The following OGT variants were observed in gnomAD, a reference collection of about 807,000 sequenced individuals.
OGT encodes the protein UDP-N-acetylglucosamine--peptide N-acetylglucosaminyltransferase 110 kDa subunit.
Under a neutral mutation model 75.8 loss-of-function variants are expected in OGT, and 3 were observed. The ratio of observed to expected loss-of-function variants is 0.04; its 90% CI spans 0.02 to 0.10. The LOEUF is 0.10. Among genes scored for constraint, OGT ranks in the 10% least tolerant of loss-of-function variants. OGT has a pLI of 1.00. For missense variants in OGT, 260 were observed against 824.4 expected (o/e 0.32, Z 8.38); for synonymous variants, 257 against 289.7 (o/e 0.89, Z 1.15).
intron 19 of OGT, 58 bp downstream of exon 19, chrX:71,564,811 G>GA: frequency 1.1e-6 from 1 of 946,880 alleles, no homozygotes; most frequent in Admixed American, 2.7e-5. Flanking sequence ...GCTTCTTGCT[G>GA]AAGATGGTCC....
chrX:71,568,850 ACAAACAAACAAAAAAAAAAC>A (rs1390147965), intron 21 of OGT, among the ~76,000 whole-genome samples: 1 of 108,070 alleles, frequency 9.3e-6, no homozygotes, highest in Non-Finnish European at 1.9e-5. Context: ...AAAAACAAAA[ACAAACAAACAAAAAAAAAAC>A]CAAACAAACA....
chrX:71,534,866 C>A (rs745367884), intron 1 of OGT, among the ~76,000 whole-genome samples: 1 of 111,563 alleles, frequency 9.0e-6, no homozygotes, highest in East Asian at 2.8e-4. Flanking sequence ...AAAGATATAA[C>A]CTCTCCCAGA....
At chrX:71,536,438 T>C in intron 2 of OGT, 80 bp downstream of exon 2, 1 of 875,489 alleles carries the variant, frequency 1.1e-6, no homozygotes, top group Non-Finnish European at 1.5e-6. Flanking sequence ...ATATTTGAAC[T>C]TGAAATTTTT....
chrX:71,553,635 A>T (rs2147680892), intron 5 of OGT: 1 of 109,086 alleles, frequency 9.2e-6, no homozygotes, highest in South Asian at 4.0e-4. Flanking sequence ...GTTGCACATC[A>T]CCATGCCCAG....
At position 71,574,355 on chromosome X, in the gene OGT, T is replaced by G. The variant is rs1681573930; in HGVS notation, c.*561T>G. The G allele has an allele frequency of 8.9e-6, 1 of 111,824 alleles. No individual in the cohort carries two copies. Among genetic ancestry groups the G allele is most frequent in the African/African-American group, 3.3e-5 (1 of 30,632 alleles). The allele number at this position is 111,824 out of a possible 1,213,427, so 9.2% of individuals were successfully genotyped here. A position where few individuals can be genotyped will look rare whatever the true frequency, so the allele number is the denominator to read the frequency against. On this transcript the variant is annotated 3_prime_UTR_variant, in exon 22 of 22. Coordinates refer to ENST00000373719, the MANE Select transcript of OGT (RefSeq NM_181672.3). ...GTTTTATAAACCACTTGAGCCTATATCAGTCGTTTTAGTGTCTGACCTAAT... is the reference window on the plus strand; with the variant it reads ...GTTTTATAAACCACTTGAGCCTATAGCAGTCGTTTTAGTGTCTGACCTAAT...
At chrX:71,547,814 C>T (rs759669893) in intron 4 of OGT, 93 bp from the exon 5 acceptor site, 3 of 1,097,080 alleles carry the variant, frequency 2.7e-6, no homozygotes, top group East Asian at 3.7e-5. Flanking sequence ...TTCTTCCCCC[C>T]CTCCCCCCAA....
At chrX:71,537,022 G>T (rs1428934275) in intron 2 of OGT, 3 of 169,619 alleles carry the variant, frequency 1.8e-5, no homozygotes, top group South Asian at 7.2e-5. Context: ...AGGCTGGAGT[G>T]CAGCGGCGCC....
In OGT at chrX:71,563,316, AT is replaced by A. The variant is rs766625269; in HGVS notation, c.2266-4del. 5 of 1,187,607 alleles carry A rather than the reference AT, an allele frequency of 4.2e-6. No individual in the cohort carries two copies. The highest frequency in any genetic ancestry group is 2.2e-5 in the Admixed American group (1 of 44,985). On this transcript the variant is annotated splice_polypyrimidine_tract_variant and intron_variant, in intron 17 of 21. Coordinates refer to ENST00000373719, the MANE Select transcript of OGT (RefSeq NM_181672.3). ...TTCACGATCTTTTCCCTAATGATGC[AT>A]TTTTTTTTCAGATGAAGTGTCCTGA...
intron 3 of OGT, among the ~76,000 whole-genome samples, chrX:71,541,609 A>G (rs1270384861): frequency 9.0e-6 from 1 of 111,714 alleles, no homozygotes; most frequent in Non-Finnish European, 1.9e-5. Flanking sequence ...TAGGAAGGTA[A>G]ATAGCAAGTA....
At chrX:71,570,087 C>T (rs1201544804) in intron 21 of OGT, among the ~76,000 whole-genome samples, 1 of 76,313 alleles carries the variant, frequency 1.3e-5, no homozygotes, top group Non-Finnish European at 2.3e-5. Context: ...GTTGCCCGGG[C>T]TGAAGTGCAA....
chrX:71,565,824 G>C (rs2040413070), intron 19 of OGT, among the ~76,000 whole-genome samples: 1 of 112,367 alleles, frequency 8.9e-6, no homozygotes, highest in Admixed American at 9.5e-5. Context: ...ATACGAACTG[G>C]CAGTATGCCA....
At chrX:71,570,547 A>G (rs1349905394) in intron 21 of OGT, among the ~76,000 whole-genome samples, 1 of 111,737 alleles carries the variant, frequency 8.9e-6, no homozygotes, top group African/African-American at 3.3e-5. Context: ...CTTCTGCAAA[A>G]TGGAGCATAA....
At chrX:71,572,592 A>G (rs1276957543) in intron 21 of OGT, among the ~76,000 whole-genome samples, 1 of 110,691 alleles carries the variant, frequency 9.0e-6, no homozygotes, top group African/African-American at 3.3e-5. Context: ...ACATGGCGAG[A>G]CCCCATCTCT....
At chrX:71,536,936 A>T (rs2040179768) in intron 2 of OGT, 1 of 195,145 alleles carries the variant, frequency 5.1e-6, no homozygotes. Flanking sequence ...TTTTTATCTT[A>T]ATGATCATGA....
At position 71,574,479 on chromosome X, in the gene OGT, C is replaced by G. The variant is rs891994198; in HGVS notation, c.*685C>G. 1 of 110,911 alleles carries G rather than the reference C, an allele frequency of 9.0e-6. No individual in the cohort carries two copies. The highest frequency in any genetic ancestry group is 3.3e-5 in the African/African-American group (1 of 30,426). The allele number at this position is 110,911 out of a possible 1,213,427, so 9.1% of individuals were successfully genotyped here. On this transcript the variant is annotated 3_prime_UTR_variant, in exon 22 of 22. Transcript: ENST00000373719. ...TTCTTCCCTGACCCCCATACCCTCA[C>G]CCTTAAAATTCTCCTGTAACTCAAC...
intron 21 of OGT, among the ~76,000 whole-genome samples, chrX:71,568,566 G>A (rs1472164436): frequency 8.9e-6 from 1 of 112,216 alleles, no homozygotes; most frequent in Non-Finnish European, 1.9e-5. Flanking sequence ...GGTGGCTTAT[G>A]CCTGTAATCT....
intron 6 of OGT, 126 bp downstream of exon 6, chrX:71,554,718 G>T (rs1440281966): frequency 3.6e-5 from 17 of 469,603 alleles, no homozygotes; most frequent in Non-Finnish European, 5.8e-5. Context: ...GTTGTTCTCT[G>T]CCCATGTCCT....
At chrX:71,569,158 C>T (rs1207613779) in intron 21 of OGT, among the ~76,000 whole-genome samples, 2 of 111,160 alleles carry the variant, frequency 1.8e-5, no homozygotes, top group Non-Finnish European at 3.8e-5. Flanking sequence ...TGAAACCCCC[C>T]TCTACTAAAA....
chrX:71,547,248 G>A, intron 4 of OGT: 1 of 753,931 alleles, frequency 1.3e-6, no homozygotes, highest in Non-Finnish European at 1.6e-6. Flanking sequence ...CTCCTCAGTA[G>A]CATAGTTTTG....
Sources: gnomAD v4.1 joint callset for allele counts (sites outside exome capture counted in the v4.1 genomes callset) on GRCh38, gnomAD v4.1.1 for gene constraint, MANE v1.5 for transcripts, NCBI Gene and HGNC (gene_info 2026-07-23, HGNC 2026-07-21) for gene names.